Variants in PRKD1 observed in about 807,000 individuals in gnomAD.
The protein encoded by PRKD1 is protein kinase D1.
PRKD1 carries 63 observed loss-of-function variants against 95.9 expected under a neutral mutation model. That is an observed-to-expected ratio of 0.66 (90% CI 0.54 to 0.81). PRKD1 has a LOEUF of 0.81. PRKD1 is among the 30% of genes least tolerant of loss of function. The probability of loss-of-function intolerance (pLI) is 0.00; values close to 1 mark genes in which losing one functional copy is unlikely to be tolerated. For missense variants in PRKD1, 1,048 were observed against 1,165.3 expected, an observed-to-expected ratio of 0.90 and a Z score of 1.47; for synonymous variants, 425 against 423.1, an observed-to-expected ratio of 1.00 and a Z score of -0.05.
At chr14:29,857,689 C>G (rs1892558724) in intron 1 of PRKD1, among the ~76,000 whole-genome samples, 1 of 152,086 alleles carries the variant, frequency 6.6e-6, no homozygotes, top group Admixed American at 6.5e-5. Flanking sequence ...TAAGAAAATG[C>G]TAGAATGCCA....
intron 1 of PRKD1, among the ~76,000 whole-genome samples, chr14:29,907,325 G>T (rs1187727482): frequency 6.6e-6 from 1 of 152,088 alleles, no homozygotes; most frequent in Non-Finnish European, 1.5e-5. Context: ...AGGTAGAAAA[G>T]AACAATTACT....
intron 1 of PRKD1, among the ~76,000 whole-genome samples, chr14:29,905,269 G>A (rs1340203345): frequency 6.6e-6 from 1 of 152,060 alleles, no homozygotes; most frequent in Non-Finnish European, 1.5e-5. Flanking sequence ...TCATCAAGAG[G>A]GCCGGAACCT....
At chr14:29,902,151 T>G (rs529701853) in intron 1 of PRKD1, among the ~76,000 whole-genome samples, 1 of 151,728 alleles carries the variant, frequency 6.6e-6, no homozygotes, top group Admixed American at 6.6e-5. Context: ...CCCAGCTACT[T>G]GGAAGGCTGA....
chr14:29,728,156 A>G (rs1886255520), intron 1 of PRKD1, among the ~76,000 whole-genome samples: 1 of 146,176 alleles, frequency 6.8e-6, no homozygotes, highest in Admixed American at 6.9e-5. Flanking sequence ...AACTTAAAGT[A>G]TAATAATAAA....
At chr14:29,887,394 G>A (rs1359505590) in intron 1 of PRKD1, among the ~76,000 whole-genome samples, 4 of 152,118 alleles carry the variant, frequency 2.6e-5, no homozygotes, top group African/African-American at 4.8e-5. Context: ...TATTCAGTGT[G>A]TCCATATTAC....
intron 16 of PRKD1, among the ~76,000 whole-genome samples, chr14:29,578,623 T>C (rs1892651301): frequency 1.3e-5 from 2 of 150,868 alleles, no homozygotes; most frequent in African/African-American, 2.4e-5. Flanking sequence ...TTGTATGATA[T>C]GAATTTCAAT....
At chr14:29,643,065 A>G (rs1880897153) in intron 4 of PRKD1, among the ~76,000 whole-genome samples, 1 of 152,172 alleles carries the variant, frequency 6.6e-6, no homozygotes, top group South Asian at 2.1e-4. Flanking sequence ...GGCAACACAT[A>G]TAAGAGAATG....
intron 2 of PRKD1, among the ~76,000 whole-genome samples, chr14:29,671,099 G>A (rs1002607557): frequency 2.0e-5 from 3 of 152,098 alleles, no homozygotes; most frequent in Non-Finnish European, 4.4e-5. Context: ...ATTTAGATAG[G>A]TTGACTAGGC....
At chr14:29,626,588 T>C in intron 11 of PRKD1, 32 bp from the exon 12 acceptor site, 1 of 1,454,228 alleles carries the variant, frequency 6.9e-7, no homozygotes, top group Non-Finnish European at 9.4e-7. Context: ...AAAAAAAACA[T>C]GAAGCAGAAC....
intron 2 of PRKD1, among the ~76,000 whole-genome samples, chr14:29,706,189 T>C (rs578074906): frequency 8.5e-5 from 13 of 152,290 alleles, no homozygotes; most frequent in African/African-American, 3.1e-4. Context: ...ATTTTCCTAA[T>C]GACGAATGAT....
intron 2 of PRKD1, among the ~76,000 whole-genome samples, chr14:29,681,530 T>C (rs759588265): frequency 6.6e-6 from 1 of 152,190 alleles, no homozygotes; most frequent in Non-Finnish European, 1.5e-5. Flanking sequence ...GCTGTCTGTG[T>C]CACTGTTATA....
intron 2 of PRKD1, among the ~76,000 whole-genome samples, chr14:29,693,823 TG>T (rs1884373266): frequency 6.6e-6 from 1 of 152,168 alleles, no homozygotes; most frequent in Non-Finnish European, 1.5e-5. Context: ...GTTACCCAGA[TG>T]GTTTCCTGCA....
intron 1 of PRKD1, among the ~76,000 whole-genome samples, chr14:29,785,679 G>C (rs1206256471): frequency 6.6e-6 from 1 of 151,202 alleles, no homozygotes; most frequent in Admixed American, 6.6e-5. Context: ...TTGTGGGGTG[G>C]GGGGAAGGGG....
At chr14:29,639,563 G>A (rs1226400458) in intron 4 of PRKD1, among the ~76,000 whole-genome samples, 2 of 151,954 alleles carry the variant, frequency 1.3e-5, no homozygotes, top group African/African-American at 2.4e-5. Flanking sequence ...AGGTTGTGGT[G>A]AGCCAATATC....
intron 1 of PRKD1, among the ~76,000 whole-genome samples, chr14:29,857,463 T>C (rs1892549199): frequency 6.6e-6 from 1 of 152,246 alleles, no homozygotes; most frequent in Non-Finnish European, 1.5e-5. Flanking sequence ...ATTGTTGGCC[T>C]TCCTGACAGA....
chr14:29,898,022 C>A (rs571801234), intron 1 of PRKD1, among the ~76,000 whole-genome samples: 2 of 151,860 alleles, frequency 1.3e-5, no homozygotes, highest in Non-Finnish European at 2.9e-5. Context: ...TTAAAAACAA[C>A]GCATCCTAAA....
chr14:29,850,703 T>G (rs1892275304), intron 1 of PRKD1, among the ~76,000 whole-genome samples: 1 of 151,920 alleles, frequency 6.6e-6, no homozygotes, highest in South Asian at 2.1e-4. Flanking sequence ...GCAATCTCAT[T>G]TTTCATGAAT....
intron 13 of PRKD1, among the ~76,000 whole-genome samples, chr14:29,621,711 G>C (rs12435249): frequency 0.5 from 76,476 of 151,984 alleles, 20,548 homozygotes; most frequent in East Asian, 0.68. Context: ...TGACAGCAAA[G>C]AGCTGTGTGC....
At chr14:29,798,007 A>C (rs1165396687) in intron 1 of PRKD1, among the ~76,000 whole-genome samples, 1 of 152,238 alleles carries the variant, frequency 6.6e-6, no homozygotes, top group African/African-American at 2.4e-5. Flanking sequence ...AAATCTCACT[A>C]CATATTGAAA....
Sources: allele counts gnomAD v4.1 joint callset (sites outside exome capture counted in the v4.1 genomes callset), GRCh38; gene constraint gnomAD v4.1.1; transcripts MANE v1.5; gene names NCBI Gene and HGNC (gene_info 2026-07-23, HGNC 2026-07-21).